GABBR2: variants seen among roughly 807,000 people sequenced by gnomAD.
GABBR2 encodes G-protein coupled receptor 51.
A neutral mutation model predicts 105.6 loss-of-function variants in GABBR2; 23 were observed. That is an observed-to-expected ratio of 0.22 (90% CI 0.16 to 0.31). The LOEUF is 0.31. Among genes scored for constraint, GABBR2 ranks in the 10% least tolerant of loss-of-function variants. The pLI is 1.00. For synonymous variants in GABBR2, 478 were observed against 499.7 expected, an observed-to-expected ratio of 0.96 and a Z score of 0.58; for missense variants, 734 against 1,245.5, an observed-to-expected ratio of 0.59 and a Z score of 6.18.
At chr9:98,510,403 C>T (rs1434817754) in intron 3 of GABBR2, among the ~76,000 whole-genome samples, 1 of 152,290 alleles carries the variant, frequency 6.6e-6, no homozygotes, top group African/African-American at 2.4e-5. Flanking sequence ...ATGAGAGGAT[C>T]AAATTCACAC....
chr9:98,349,077 T>C (rs1027909352), intron 13 of GABBR2, among the ~76,000 whole-genome samples: 1 of 151,894 alleles, frequency 6.6e-6, no homozygotes, highest in Non-Finnish European at 1.5e-5. Flanking sequence ...ATAGATGGCC[T>C]TTAGTATGTT....
In GABBR2 at chr9:98,570,454, C is replaced by T. The variant is rs929611171; in HGVS notation, c.459+7481G>A. Reference sequence around the variant, plus strand: ...CAGCAAGATGATTTCTGTCTGCAAGCTGAAGCTGCGATAATCTCACTCCCA... The same window carrying T: ...CAGCAAGATGATTTCTGTCTGCAAGTTGAAGCTGCGATAATCTCACTCCCA... On this transcript the variant is annotated intron_variant, in intron 2 of 18. Coordinates refer to ENST00000259455, the MANE Select transcript of GABBR2 (RefSeq NM_005458.8). Among the ~76,000 whole-genome samples, 7 of 152,230 alleles carry T rather than the reference C, an allele frequency of 4.6e-5. No homozygotes were observed. In the East Asian group the frequency reaches 1.3e-3, roughly 29 times the overall value.
intron 2 of GABBR2, among the ~76,000 whole-genome samples, chr9:98,552,961 G>A (rs568046938): frequency 2.6e-5 from 4 of 151,918 alleles, no homozygotes; most frequent in African/African-American, 9.7e-5. Flanking sequence ...ACTGCAGCCC[G>A]GAACTCTTGG....
At chr9:98,695,749 G>T (rs1830742016) in intron 1 of GABBR2, among the ~76,000 whole-genome samples, 1 of 152,122 alleles carries the variant, frequency 6.6e-6, no homozygotes, top group Admixed American at 6.5e-5. Flanking sequence ...CCATCTCACG[G>T]ACAAGGACTC....
chr9:98,502,484 G>C (rs535082705), intron 3 of GABBR2, among the ~76,000 whole-genome samples: 1 of 152,104 alleles, frequency 6.6e-6, no homozygotes, highest in African/African-American at 2.4e-5. Context: ...ATGACCCACC[G>C]CTTCAGTGTG....
intron 11 of GABBR2, among the ~76,000 whole-genome samples, chr9:98,382,188 G>A (rs145641816): frequency 3.3e-5 from 5 of 152,244 alleles, no homozygotes; most frequent in East Asian, 3.9e-4. Context: ...AGTGGCCCCC[G>A]GGAAGGACTG....
At chr9:98,398,155 C>A (rs1012363311) in intron 8 of GABBR2, among the ~76,000 whole-genome samples, 15 of 152,196 alleles carry the variant, frequency 9.9e-5, no homozygotes, top group African/African-American at 2.6e-4. Context: ...CTTGTCTTCT[C>A]ACTTGGTTCT....
chr9:98,327,776 CAAG>C (rs1830949247), intron 13 of GABBR2, among the ~76,000 whole-genome samples: 1 of 151,364 alleles, frequency 6.6e-6, no homozygotes, highest in Non-Finnish European at 1.5e-5. Flanking sequence ...GGCTAAGGCA[CAAG>C]AATCGCTTGA....
At chr9:98,655,811 G>A (rs895064858) in intron 1 of GABBR2, among the ~76,000 whole-genome samples, 2 of 151,074 alleles carry the variant, frequency 1.3e-5, no homozygotes, top group African/African-American at 2.4e-5. Context: ...ACAGGGAGGG[G>A]AACATCACAC....
chr9:98,322,229 C>A (rs186673768), intron 13 of GABBR2, among the ~76,000 whole-genome samples: 1 of 152,264 alleles, frequency 6.6e-6, no homozygotes, highest in South Asian at 2.1e-4. Context: ...CTCCCTTAAA[C>A]CTGCTGTTCC....
intron 1 of GABBR2, among the ~76,000 whole-genome samples, chr9:98,602,204 T>G: frequency 6.6e-6 from 1 of 150,856 alleles, no homozygotes; most frequent in Admixed American, 6.6e-5. Flanking sequence ...CCGGGTGCGG[T>G]GGCTCACGCT....
intron 9 of GABBR2, among the ~76,000 whole-genome samples, chr9:98,390,759 A>G (rs1218856385): frequency 6.6e-6 from 1 of 152,130 alleles, no homozygotes; most frequent in African/African-American, 2.4e-5. Context: ...CCTGGCTGGA[A>G]ACAAGCCCTT....
chr9:98,672,478 C>G (rs757849963), intron 1 of GABBR2, among the ~76,000 whole-genome samples: 1 of 152,256 alleles, frequency 6.6e-6, no homozygotes, highest in Non-Finnish European at 1.5e-5. Context: ...ATACTACACT[C>G]AAAGTTTGAA....
Position 98,492,349 on chromosome 9 carries a change from T to TAAAAAAAAAAAAAAAAAAAAAAAAAA in GABBR2, c.732+4038_732+4063dup, listed in dbSNP as rs574771107. 1.7e-3 allele frequency among the ~76,000 whole-genome samples: 50 copies of TAAAAAAAAAAAAAAAAAAAAAAAAAA among 29,214 alleles called. 8 individuals are homozygous for TAAAAAAAAAAAAAAAAAAAAAAAAAA. The highest frequency in any genetic ancestry group is 2.0e-3 in the Non-Finnish European group (23 of 11,652). The allele number at this position is 29,214 out of a possible 152,430, so 19.2% of individuals were successfully genotyped here. On this transcript the variant is annotated intron_variant, in intron 4 of 18. Transcript: ENST00000259455. ...GAGCCCGCTTAAGTTTGTTTCCTAGTAAAAAAAAAAAAAAAAAAAAAAAAA... is the reference window on the plus strand; with the variant it reads ...GAGCCCGCTTAAGTTTGTTTCCTAGTAAAAAAAAAAAAAAAAAAAAAAAAAAAAAAAAAAAAAAAAAAAAAAAAAAA...
intron 13 of GABBR2, among the ~76,000 whole-genome samples, chr9:98,339,901 T>C (rs1033787540): frequency 6.6e-6 from 1 of 152,168 alleles, no homozygotes; most frequent in African/African-American, 2.4e-5. Context: ...TACCTGGTTC[T>C]CTCTTTCCTT....
Position 98,598,606 on chromosome 9 carries a change from C to T in GABBR2, c.322-20534G>A, listed in dbSNP as rs569390839. ...AAGAAAAAAAAAATCCCCAAACGTGCGTAACCAGTGTCTGTACGACAGATC... is the reference window on the plus strand; with the variant it reads ...AAGAAAAAAAAAATCCCCAAACGTGTGTAACCAGTGTCTGTACGACAGATC... On this transcript the variant is annotated intron_variant, in intron 1 of 18. Transcript: ENST00000259455. 4.6e-5 allele frequency among the ~76,000 whole-genome samples: 6 copies of T among 131,634 alleles called. No homozygotes were observed. The South Asian group carries it at 9.4e-4, about 21-fold the overall frequency. 86.4% of individuals were successfully genotyped at this position (131,634 alleles called of 152,430 possible).
chr9:98,703,831 T>C (rs1035310873), intron 1 of GABBR2, among the ~76,000 whole-genome samples: 1 of 151,602 alleles, frequency 6.6e-6, no homozygotes, highest in African/African-American at 2.4e-5. Flanking sequence ...ATTTATTTTT[T>C]AATAAAATTA....
At chr9:98,428,954 C>T (rs1423426289) in intron 7 of GABBR2, among the ~76,000 whole-genome samples, 1 of 152,206 alleles carries the variant, frequency 6.6e-6, no homozygotes, top group East Asian at 1.9e-4. Context: ...CTGAATGATA[C>T]ATTCTCATCC....
intron 7 of GABBR2, among the ~76,000 whole-genome samples, chr9:98,435,854 A>C (rs1173164113): frequency 3.3e-5 from 5 of 151,966 alleles, no homozygotes. Context: ...CATCCACAAC[A>C]CTTTAGAGTT....
Sources: gnomAD v4.1 joint callset for allele counts (sites outside exome capture counted in the v4.1 genomes callset) on GRCh38, gnomAD v4.1.1 for gene constraint, MANE v1.5 for transcripts, NCBI Gene and HGNC (gene_info 2026-07-23, HGNC 2026-07-21) for gene names.